SLC20A2: variants seen among roughly 807,000 people sequenced by gnomAD.
The protein encoded by SLC20A2 is solute carrier family 20 member 2.
A neutral mutation model predicts 61.0 loss-of-function variants in SLC20A2; 30 were observed. The observed-to-expected ratio is 0.49, with a 90% CI of 0.37 to 0.67. SLC20A2 has a LOEUF of 0.67. Ranked by LOEUF, SLC20A2 falls within the 30% of genes least tolerant of loss-of-function variation. SLC20A2 has a pLI of 0.00. For synonymous variants in SLC20A2, 351 were observed against 353.3 expected (o/e 0.99, Z 0.07); for missense variants, 626 against 866.4 (o/e 0.72, Z 3.48).
intron 5 of SLC20A2, among the ~76,000 whole-genome samples, chr8:42,450,928 CTT>C (rs1805589041): frequency 6.6e-6 from 1 of 152,228 alleles, no homozygotes; most frequent in Non-Finnish European, 1.5e-5. Flanking sequence ...ACTGGAGACT[CTT>C]CTCACCCCAG....
intron 1 of SLC20A2, among the ~76,000 whole-genome samples, chr8:42,489,919 G>T (rs1809387559): frequency 6.6e-6 from 1 of 152,188 alleles, no homozygotes; most frequent in Non-Finnish European, 1.5e-5. Context: ...GTTTGTGTTG[G>T]TGGTCACAAA....
Position 42,439,476 on chromosome 8 carries a change from G to A in SLC20A2, c.908C>T (p.Ala303Val), listed in dbSNP as rs200267443. ...ETLGTSEGTS[A>V]GSHPRAAYGR... is the part of the protein sequence containing the mutation. ...GTATGCAGCCCGAGGGTGGCTGCCC[G>A]CAGAAGTGCCTTCCGAGGTCCCCAG... The change falls in exon 7 of 11, where the codon GCG becomes GTG. Residue 303 changes from alanine (A) to valine (V), a missense_variant. Around this residue, in one of 3 missense-constraint regions of SLC20A2, gnomAD observed 361 missense variants for 422.3 expected, o/e 0.85. Transcript: ENST00000520262. 1.1e-4 allele frequency: 170 copies of A among 1,613,652 alleles called. No homozygotes were observed. The highest frequency in any genetic ancestry group is 1.3e-4 in the Admixed American group (8 of 60,006).
At chr8:42,484,795 G>T in intron 1 of SLC20A2, 3 of 307,060 alleles carry the variant, frequency 9.8e-6, no homozygotes, top group East Asian at 1.8e-4. Flanking sequence ...CATATCATGC[G>T]GGAGCACCTG....
chr8:42,507,721 T>C (rs1481079106), intron 1 of SLC20A2, among the ~76,000 whole-genome samples: 2 of 152,212 alleles, frequency 1.3e-5, no homozygotes, highest in Non-Finnish European at 2.9e-5. Flanking sequence ...GTTCTGCCTT[T>C]AAGAGGCTCA....
At chr8:42,461,707 C>T (rs995738347) in intron 4 of SLC20A2, among the ~76,000 whole-genome samples, 1 of 152,130 alleles carries the variant, frequency 6.6e-6, no homozygotes, top group African/African-American at 2.4e-5. Flanking sequence ...CGCGCCTGGC[C>T]TAAAATAACT....
chr8:42,524,423 T>G lies in SLC20A2; in HGVS notation c.-265+17398A>C, dbSNP rs1321381494. On this transcript the variant is annotated intron_variant, in intron 1 of 10. Coordinates refer to the SLC20A2 transcript ENST00000342228. ...GTGGTGGGGACATGATTAATTACAC[T>G]ATTTTGTCTTCTTTAAGCTTAAAAA... Among the ~76,000 whole-genome samples, 12 of 152,286 alleles carry G rather than the reference T, an allele frequency of 7.9e-5. No individual in the cohort carries two copies. In the South Asian group the frequency reaches 1.7e-3, roughly 21 times the overall value.
intron 8 of SLC20A2, among the ~76,000 whole-genome samples, chr8:42,430,609 C>G (rs538891244): frequency 6.6e-6 from 1 of 152,290 alleles, no homozygotes; most frequent in African/African-American, 2.4e-5. Flanking sequence ...GATCTGCCCA[C>G]CTTGGCTTCC....
intron 3 of SLC20A2, 51 bp downstream of exon 3, chr8:42,465,726 T>G (rs747876430): frequency 1.3e-6 from 2 of 1,504,812 alleles, no homozygotes; most frequent in Non-Finnish European, 8.9e-7. Flanking sequence ...TAAAACTTAC[T>G]CTAGAAAATG....
chr8:42,475,382 G>A (rs931624701), intron 1 of SLC20A2, among the ~76,000 whole-genome samples: 2 of 148,336 alleles, frequency 1.3e-5, no homozygotes, highest in African/African-American at 5.2e-5. Flanking sequence ...TCACTGGTGT[G>A]AGATACCATG....
At chr8:42,432,425 G>A (rs1803938598) in intron 8 of SLC20A2, among the ~76,000 whole-genome samples, 2 of 152,204 alleles carry the variant, frequency 1.3e-5, no homozygotes, top group African/African-American at 4.8e-5. Flanking sequence ...TTCTTGAGAT[G>A]AAATCTACTC....
chr8:42,531,204 T>C (rs977778791), intron 1 of SLC20A2, among the ~76,000 whole-genome samples: 1 of 152,228 alleles, frequency 6.6e-6, no homozygotes, highest in African/African-American at 2.4e-5. Flanking sequence ...CTAGCACATC[T>C]ACATAAGTTC....
At chr8:42,462,565 G>A (rs549585915) in intron 4 of SLC20A2, among the ~76,000 whole-genome samples, 93 of 149,404 alleles carry the variant, frequency 6.2e-4, no homozygotes, top group Middle Eastern at 3.4e-3. Context: ...CTCAAATTGC[G>A]TCAGTGTTTC....
At chr8:42,434,347 G>A (rs1380773080) in intron 8 of SLC20A2, among the ~76,000 whole-genome samples, 1 of 151,524 alleles carries the variant, frequency 6.6e-6, no homozygotes, top group African/African-American at 2.4e-5. Context: ...TCGGCCTCCC[G>A]AAGTGTTGAG....
chr8:42,459,960 G>T lies in SLC20A2; in HGVS notation c.549C>A (p.Leu183=), dbSNP rs1370388176. Residue 183 remains leucine, a synonymous_variant, in exon 5 of 11, where the codon CTC becomes CTA. Coordinates refer to ENST00000520262, the MANE Select transcript of SLC20A2 (RefSeq NM_001257180.2). ...EDPVPNGLRA[L]PVFYAATIAI... Reference sequence around the variant, plus strand: ...CTATGGTAGCAGCATAGAATACTGGGAGTGCCCGGAGGCCATTGGGAACAG... The same window carrying T: ...CTATGGTAGCAGCATAGAATACTGGTAGTGCCCGGAGGCCATTGGGAACAG... The T allele has an allele frequency of 1.2e-6, 2 of 1,613,168 alleles. No homozygotes were observed. Among genetic ancestry groups the T allele is most frequent in the Non-Finnish European group, 8.5e-7 (1 of 1,179,464 alleles).
chr8:42,440,194 C>T (rs892609048), intron 6 of SLC20A2, among the ~76,000 whole-genome samples: 3 of 151,994 alleles, frequency 2.0e-5, no homozygotes, highest in Non-Finnish European at 2.9e-5. Flanking sequence ...ATTTAGGGCC[C>T]GAGTTATCAT....
chr8:42,439,685 G>T, intron 6 of SLC20A2, 32 bp from the exon 7 acceptor site: 1 of 1,412,386 alleles, frequency 7.1e-7, no homozygotes, highest in Non-Finnish European at 1.0e-6. Flanking sequence ...TGAACATTCT[G>T]GAAGAGAGTT....
In SLC20A2 at chr8:42,531,944, G is replaced by C. The variant is rs796553977; in HGVS notation, c.-265+9877C>G. Among the ~76,000 whole-genome samples, 17 of 150,996 alleles carry C rather than the reference G, an allele frequency of 1.1e-4. No individual in the cohort carries two copies. The East Asian group carries it at 2.7e-3, about 24-fold the overall frequency. On this transcript the variant is annotated intron_variant, in intron 1 of 10. Transcript: ENST00000342228. ...AGAAATTCTCCTGCCCCAGCCTCCC[G>C]AGTAGCTGGGACTACAGGTGCCTGC...
intron 4 of SLC20A2, among the ~76,000 whole-genome samples, chr8:42,460,467 T>C (rs1294776128): frequency 6.6e-6 from 1 of 152,240 alleles, no homozygotes; most frequent in South Asian, 2.1e-4. Flanking sequence ...TCAGCATCAC[T>C]GCATTACCAT....
chr8:42,520,038 G>A (rs1454578520), intron 1 of SLC20A2, among the ~76,000 whole-genome samples: 1 of 113,134 alleles, frequency 8.8e-6, no homozygotes, highest in Non-Finnish European at 1.7e-5. Flanking sequence ...TTTTAAGACA[G>A]AGCCTCACTC....
Sources: gnomAD v4.1 joint callset for allele counts (sites outside exome capture counted in the v4.1 genomes callset) on GRCh38, gnomAD v4.1.1 for gene constraint, gnomAD v4.1.1 regional missense constraint, MANE v1.5 for transcripts, NCBI Gene and HGNC (gene_info 2026-07-23, HGNC 2026-07-21) for gene names.